TRPS1: variants seen among roughly 807,000 people sequenced by gnomAD.
The protein encoded by TRPS1 is transcriptional repressor GATA binding 1, also known as zinc finger transcription factor Trps1.
A neutral mutation model predicts 101.2 loss-of-function variants in TRPS1; 6 were observed. The ratio of observed to expected loss-of-function variants is 0.06; its 90% CI spans 0.03 to 0.12. The LOEUF is 0.12. TRPS1 is among the 10% of genes least tolerant of loss of function. The pLI is 1.00. For missense variants in TRPS1, 1,363 were observed against 1,567.0 expected, an observed-to-expected ratio of 0.87 and a Z score of 2.20; for synonymous variants, 578 against 589.8, an observed-to-expected ratio of 0.98 and a Z score of 0.29.
At chr8:115,644,779 T>G (rs1277606056) in intron 1 of TRPS1, among the ~76,000 whole-genome samples, 1 of 152,204 alleles carries the variant, frequency 6.6e-6, no homozygotes, top group Non-Finnish European at 1.5e-5. Context: ...CTTTTCACTT[T>G]AACACTTAGA....
chr8:115,629,049 C>G (rs181988131), intron 1 of TRPS1, among the ~76,000 whole-genome samples: 23 of 151,790 alleles, frequency 1.5e-4, no homozygotes, highest in African/African-American at 5.5e-4. Context: ...GCCAACAAAA[C>G]TAATGTTCTG....
intron 5 of TRPS1, among the ~76,000 whole-genome samples, chr8:115,575,566 T>C (rs1817299427): frequency 6.6e-6 from 1 of 152,104 alleles, no homozygotes; most frequent in Admixed American, 6.6e-5. Flanking sequence ...CAAGAAATCC[T>C]AATTTAACAC....
chr8:115,597,511 A>C (rs891437100), intron 4 of TRPS1, among the ~76,000 whole-genome samples: 2 of 152,034 alleles, frequency 1.3e-5, no homozygotes. Flanking sequence ...ACTGCTCTAT[A>C]TGTGCTTCAA....
At chr8:115,608,168 G>A (rs1310493440) in intron 3 of TRPS1, among the ~76,000 whole-genome samples, 1 of 152,132 alleles carries the variant, frequency 6.6e-6, no homozygotes, top group Non-Finnish European at 1.5e-5. Flanking sequence ...ACTAAAAAGA[G>A]AGTGCAAGCA....
chr8:115,433,539 C>T (rs1347897423), intron 5 of TRPS1, among the ~76,000 whole-genome samples: 1 of 151,880 alleles, frequency 6.6e-6, no homozygotes, highest in Non-Finnish European at 1.5e-5. Context: ...AGGGAGAAAA[C>T]AAATGTTTAA....
At position 115,411,282 on chromosome 8, in the gene TRPS1, GAAAA is replaced by G. The variant is rs879823190; in HGVS notation, c.*2737_*2740del. The G allele has an allele frequency of 1.4e-5, 2 of 138,416 alleles. No homozygotes were observed. The highest frequency in any genetic ancestry group is 5.3e-5 in the African/African-American group (2 of 37,604). 8.6% of individuals were successfully genotyped at this position (138,416 alleles called of 1,614,324 possible). On this transcript the variant is annotated 3_prime_UTR_variant, in exon 7 of 7. Transcript: ENST00000395715. ...AGTCGTTACTACTATGTCTGTCTGA[GAAAA>G]AAAAAAAATTGAATGAAAATAAAAA...
intron 5 of TRPS1, among the ~76,000 whole-genome samples, chr8:115,529,454 G>C (rs1816078303): frequency 6.6e-6 from 1 of 151,980 alleles, no homozygotes; most frequent in Non-Finnish European, 1.5e-5. Flanking sequence ...TAATTAAAAG[G>C]CATGATCCGG....
In TRPS1 at chr8:115,619,903, T is replaced by G; in HGVS notation, c.195A>C (p.Ala65=). Residue 65 remains alanine (A), a synonymous_variant, in exon 3 of 7, where the codon GCA becomes GCC. Transcript: ENST00000395715. ...MSENTDQSDA[A]ELNHKEEHSL... ...TATGTTCCTCCTTATGATTTAGTTC[T>G]GCAGCATCACTCTGATCCGTATTTT... 6.2e-7 allele frequency: 1 copy of G among 1,614,184 alleles called. No individual in the cohort carries two copies. Among genetic ancestry groups the G allele is most frequent in the South Asian group, 1.1e-5 (1 of 91,090 alleles).
rs796637255 is a variant in TRPS1 at position 115,441,898 on chromosome 8, A to AGTGTGT, written c.2701-23452_2701-23447dup. Among the ~76,000 whole-genome samples the AGTGTGT allele has an allele frequency of 2.7e-3, 314 of 116,170 alleles. 3 individuals carry two copies. The highest frequency in any genetic ancestry group is 9.4e-3 in the African/African-American group (276 of 29,262). The allele number at this position is 116,170 out of a possible 152,430, so 76.2% of individuals were successfully genotyped here. A position where few individuals can be genotyped will look rare whatever the true frequency, so the allele number is the denominator to read the frequency against. ...GAGAGAGAGAGAGAGAGAGAGAGAG[A>AGTGTGT]GTGTGTGTGTGTGTGTGTGTGTGTG... On this transcript the variant is annotated intron_variant, in intron 5 of 6. Coordinates refer to ENST00000395715, the MANE Select transcript of TRPS1 (RefSeq NM_014112.5).
At chr8:115,482,865 C>T (rs1814788560) in intron 5 of TRPS1, among the ~76,000 whole-genome samples, 2 of 152,156 alleles carry the variant, frequency 1.3e-5, no homozygotes, top group South Asian at 4.1e-4. Context: ...GCACAGAAAG[C>T]CATGGGAAAA....
At chr8:115,435,829 T>C (rs975570707) in intron 5 of TRPS1, among the ~76,000 whole-genome samples, 1 of 152,190 alleles carries the variant, frequency 6.6e-6, no homozygotes, top group East Asian at 1.9e-4. Context: ...CTTTAAATTA[T>C]CGCCTCATGG....
chr8:115,649,256 T>C (rs554727390), intron 1 of TRPS1, among the ~76,000 whole-genome samples: 3 of 152,300 alleles, frequency 2.0e-5, no homozygotes, highest in African/African-American at 7.2e-5. Flanking sequence ...GGAACACTGT[T>C]AACATTAAAA....
chr8:115,563,613 T>C (rs1444503919), intron 5 of TRPS1, among the ~76,000 whole-genome samples: 1 of 152,156 alleles, frequency 6.6e-6, no homozygotes, highest in East Asian at 1.9e-4. Flanking sequence ...GGAAAATCTA[T>C]GACTTCAAAG....
intron 3 of TRPS1, among the ~76,000 whole-genome samples, chr8:115,609,727 T>C (rs1818120490): frequency 6.6e-6 from 1 of 152,206 alleles, no homozygotes; most frequent in Non-Finnish European, 1.5e-5. Context: ...AAAAAGAGTA[T>C]TTTAAAGTCT....
In TRPS1 at chr8:115,409,407, A is replaced by C. The variant is rs1812736721; in HGVS notation, c.*4616T>G. On this transcript the variant is annotated 3_prime_UTR_variant, in exon 7 of 7. Coordinates refer to ENST00000395715, the MANE Select transcript of TRPS1 (RefSeq NM_014112.5). The stretch of plus-strand genomic sequence containing the variant: ...TTTTCTCCGGTGTAGGACAGAGTGA[A>C]GCTTACAGCTCTCCCTTTCCTTTCA... The C allele has an allele frequency of 6.6e-6, 1 of 151,980 alleles. No individual in the cohort carries two copies. The highest frequency in any genetic ancestry group is 1.5e-5 in the Non-Finnish European group (1 of 67,978). The allele number at this position is 151,980 out of a possible 1,614,324, so 9.4% of individuals were successfully genotyped here.
chr8:115,498,891 A>G (rs893295422), intron 5 of TRPS1, among the ~76,000 whole-genome samples: 3 of 152,182 alleles, frequency 2.0e-5, no homozygotes, highest in Admixed American at 2.0e-4. Flanking sequence ...ATCACAGGGC[A>G]GCTACCTCCT....
chr8:115,539,751 G>A (rs1421353271), intron 5 of TRPS1, among the ~76,000 whole-genome samples: 2 of 152,136 alleles, frequency 1.3e-5, no homozygotes, highest in Admixed American at 6.5e-5. Flanking sequence ...TCAGCTACTC[G>A]GGAGGCCGAG....
chr8:115,554,765 G>C (rs1816779041), intron 5 of TRPS1, among the ~76,000 whole-genome samples: 2 of 152,248 alleles, frequency 1.3e-5, no homozygotes, highest in Non-Finnish European at 1.5e-5. Context: ...AAACAGATTA[G>C]AAAAGGGGGC....
chr8:115,453,028 T>A lies in TRPS1; in HGVS notation c.2701-34576A>T, dbSNP rs1279337834. ...ATTTTGCTTGTCCTCCACTTTCAAT[T>A]TTTTTTTTTTTGAGATGGGTTCTCA... is the stretch of plus-strand genomic sequence containing the variant. On this transcript the variant is annotated intron_variant, in intron 5 of 6. Transcript: ENST00000395715. Among the ~76,000 whole-genome samples the A allele has an allele frequency of 2.0e-5, 3 of 149,780 alleles. No individual in the cohort carries two copies. The East Asian group carries it at 5.8e-4, about 29-fold the overall frequency.
Sources: gnomAD v4.1 joint callset for allele counts (sites outside exome capture counted in the v4.1 genomes callset) on GRCh38, gnomAD v4.1.1 for gene constraint, MANE v1.5 for transcripts, NCBI Gene and HGNC (gene_info 2026-07-23, HGNC 2026-07-21) for gene names.